MED4: variants seen among roughly 807,000 people sequenced by gnomAD.
The protein encoded by MED4 is mediator complex subunit 4.
Under a neutral mutation model 35.0 loss-of-function variants are expected in MED4, and 21 were observed. The ratio of observed to expected loss-of-function variants is 0.60; its 90% CI spans 0.43 to 0.86. The LOEUF (loss-of-function observed/expected upper bound fraction) is 0.86, where lower values mean the gene tolerates loss of function less well. Ranked by LOEUF, MED4 falls within the 40% of genes least tolerant of loss-of-function variation. The probability of loss-of-function intolerance (pLI) is 0.00; values close to 1 mark genes in which losing one functional copy is unlikely to be tolerated. For missense variants in MED4, 300 were observed against 319.4 expected (o/e 0.94, Z 0.46); for synonymous variants, 138 against 114.0 (o/e 1.21, Z -1.34).
rs1181003279 is a variant in MED4 at position 48,086,298 on chromosome 13, T to A, written c.347A>T (p.Glu116Val). 2 of 1,613,796 alleles carry A rather than the reference T, an allele frequency of 1.2e-6. No homozygotes were observed. The highest frequency in any genetic ancestry group is 2.2e-5 in the South Asian group (2 of 91,068). The change falls in exon 3 of 7, where the codon GAA becomes GTA. Residue 116 changes from glutamate (E) to valine (V), a missense_variant. Transcript: ENST00000258648. ...DIQQLQKQLK[E>V]AEQILATAVY... The stretch of plus-strand genomic sequence containing the variant: ...TCAACTTACCAGTATTTGTTCTGCT[T>A]CCTTTAGCTGTTTTTGTAGCTGCTG...
Position 48,079,883 on chromosome 13 carries a change from GGCCATTCAC to G in MED4, c.592_600del (p.Val198_Gly200del). ...GCTGCAAGTGCATCTCCTGGTAAAT[GGCCATTCAC>G]GCCATTAGTGGAAGGATTGTTCATC... On this transcript the variant is annotated inframe_deletion, in exon 6 of 7. Coordinates refer to ENST00000258648, the MANE Select transcript of MED4 (RefSeq NM_014166.4). 1 of 1,613,780 alleles carries G rather than the reference GGCCATTCAC, an allele frequency of 6.2e-7. No homozygotes were observed. Among genetic ancestry groups the G allele is most frequent in the African/African-American group, 1.3e-5 (1 of 74,964 alleles).
At chr13:48,081,396 T>A (rs1324497572) in intron 5 of MED4, among the ~76,000 whole-genome samples, 1 of 152,212 alleles carries the variant, frequency 6.6e-6, no homozygotes, top group Non-Finnish European at 1.5e-5. Context: ...TCTCGTACTT[T>A]AAAAAATTAT....
intron 1 of MED4, among the ~76,000 whole-genome samples, chr13:48,093,374 T>C (rs552938664): frequency 1.3e-5 from 2 of 151,966 alleles, no homozygotes; most frequent in Non-Finnish European, 2.9e-5. Context: ...ATCAGGTTAA[T>C]AGAAAAAAAA....
At chr13:48,081,899 A>G (rs545916950) in intron 4 of MED4, among the ~76,000 whole-genome samples, 168 bp from the exon 5 acceptor site, 4 of 152,244 alleles carry the variant, frequency 2.6e-5, no homozygotes, top group Non-Finnish European at 4.4e-5. Context: ...ATAAACTTAA[A>G]TCTCCAAAAA....
In MED4 at chr13:48,095,065, G is replaced by A. The variant is rs760129150; in HGVS notation, c.14C>T (p.Ser5Leu). The A allele has an allele frequency of 4.1e-5, 65 of 1,604,250 alleles. No individual in the cohort carries two copies. The South Asian group carries it at 6.1e-4, about 15-fold the overall frequency. Reference sequence around the variant, plus strand: ...CCGCTCCTTCTCCTTCTCACCACTCGAAGACGCAGCCATTTTCCCCAGAGT... The same window carrying A: ...CCGCTCCTTCTCCTTCTCACCACTCAAAGACGCAGCCATTTTCCCCAGAGT... Reference protein sequence around the residue: MAASSSGEKEKERLG... With the variant: MAASLSGEKEKERLG... Residue 5 changes from serine to leucine, a missense_variant, in exon 1 of 7, where the codon TCG becomes TTG. Transcript: ENST00000258648.
chr13:48,093,727 G>C (rs958172121), intron 1 of MED4: 9 of 252,238 alleles, frequency 3.6e-5, no homozygotes, highest in South Asian at 3.1e-4. Flanking sequence ...AAACACATAA[G>C]CCATTTAATT....
intron 1 of MED4, among the ~76,000 whole-genome samples, chr13:48,093,285 C>A (rs1331520860): frequency 1.2e-4 from 18 of 152,092 alleles, no homozygotes; most frequent in African/African-American, 4.3e-4. Flanking sequence ...GTTTAGCCTA[C>A]AACCTGTGTT....
At chr13:48,077,415 C>T (rs1215811075) in intron 6 of MED4, 104 bp from the exon 7 acceptor site, 1 of 1,021,414 alleles carries the variant, frequency 9.8e-7, no homozygotes, top group Non-Finnish European at 1.3e-6. Context: ...TTTAATTTTA[C>T]TTTTTTCTCT....
At chr13:48,094,193 T>G (rs1192808266) in intron 1 of MED4, among the ~76,000 whole-genome samples, 1 of 152,096 alleles carries the variant, frequency 6.6e-6, no homozygotes, top group Admixed American at 6.5e-5. Flanking sequence ...AGGCTACATT[T>G]AAGAAGGAGT....
At chr13:48,079,497 T>C (rs1593541735) in intron 6 of MED4, among the ~76,000 whole-genome samples, 2 of 152,078 alleles carry the variant, frequency 1.3e-5, no homozygotes, top group East Asian at 3.8e-4. Context: ...TTCCAGTACT[T>C]TGGGAGGCTG....
rs558882870 is a variant in MED4 at position 48,080,105 on chromosome 13, G to T, written c.509-130C>A. 9.9e-5 allele frequency: 103 copies of T among 1,038,972 alleles called. No homozygotes were observed. The South Asian group carries it at 1.4e-3, about 14-fold the overall frequency. 64.4% of individuals were successfully genotyped at this position (1,038,972 alleles called of 1,614,324 possible). A position where few individuals can be genotyped will look rare whatever the true frequency, so the allele number is the denominator to read the frequency against. ...GCTACATTTTCAATTTTGAAATACA[G>T]AAGTCATCTGGCCAGGTGCAGTGGC... is the stretch of plus-strand genomic sequence containing the variant. On this transcript the variant is annotated intron_variant, in intron 5 of 6. Coordinates refer to ENST00000258648, the MANE Select transcript of MED4 (RefSeq NM_014166.4).
At chr13:48,089,595 C>A (rs954778375) in intron 2 of MED4, among the ~76,000 whole-genome samples, 1 of 152,010 alleles carries the variant, frequency 6.6e-6, no homozygotes, top group African/African-American at 2.4e-5. Flanking sequence ...AAAAAAATTT[C>A]TTTTAAATTA....
At chr13:48,079,723 A>C in intron 6 of MED4, 121 bp downstream of exon 6, 1 of 1,275,708 alleles carries the variant, frequency 7.8e-7, no homozygotes, top group Non-Finnish European at 1.1e-6. Flanking sequence ...ACTGTCTCAA[A>C]TTTACAAAAA....
At chr13:48,082,582 C>T (rs1485407771) in intron 4 of MED4, among the ~76,000 whole-genome samples, 1 of 152,186 alleles carries the variant, frequency 6.6e-6, no homozygotes, top group East Asian at 1.9e-4. Flanking sequence ...AATCCCAGCA[C>T]TTTGGGAGGC....
chr13:48,084,828 A>G (rs1950837718), intron 3 of MED4, among the ~76,000 whole-genome samples: 1 of 151,274 alleles, frequency 6.6e-6, no homozygotes, highest in Non-Finnish European at 1.5e-5. Flanking sequence ...TTTTATATAC[A>G]TATTTACAGA....
intron 4 of MED4, 87 bp from the exon 5 acceptor site, chr13:48,081,818 T>G (rs1400345586): frequency 1.3e-5 from 9 of 672,750 alleles, no homozygotes; most frequent in Non-Finnish European, 2.1e-5. Context: ...ACATCGTATT[T>G]AATTTTAAAT....
intron 6 of MED4, among the ~76,000 whole-genome samples, chr13:48,079,123 T>C (rs1026882961): frequency 6.6e-6 from 1 of 152,186 alleles, no homozygotes; most frequent in Non-Finnish European, 1.5e-5. Flanking sequence ...AAGCTCAGAA[T>C]GAACTGGGTC....
At chr13:48,078,683 T>TC (rs1950779939) in intron 6 of MED4, among the ~76,000 whole-genome samples, 1 of 152,216 alleles carries the variant, frequency 6.6e-6, no homozygotes, top group African/African-American at 2.4e-5. Flanking sequence ...TGGGGAAGAC[T>TC]GTTTTTAGGT....
At chr13:48,091,034 G>A (rs956296147) in intron 1 of MED4, among the ~76,000 whole-genome samples, 2 of 152,120 alleles carry the variant, frequency 1.3e-5, no homozygotes, top group Admixed American at 6.6e-5. Context: ...TTATTATCTG[G>A]CCTTTGCAGA....
Sources: allele counts gnomAD v4.1 joint callset (sites outside exome capture counted in the v4.1 genomes callset), GRCh38; gene constraint gnomAD v4.1.1; transcripts MANE v1.5; gene names NCBI Gene and HGNC (gene_info 2026-07-23, HGNC 2026-07-21).